Variants in ST7 observed in about 807,000 individuals in gnomAD.
ST7 encodes suppression of tumorigenicity 7.
In ST7, 28 loss-of-function variants were observed where a neutral mutation model predicts 78.7. The observed-to-expected ratio is 0.36, with a 90% CI of 0.26 to 0.49. The LOEUF is 0.49. Among genes scored for constraint, ST7 ranks in the 20% least tolerant of loss-of-function variants. The pLI is 0.99. For synonymous variants in ST7, 247 were observed against 249.6 expected, an observed-to-expected ratio of 0.99 and a Z score of 0.10; for missense variants, 418 against 696.0, an observed-to-expected ratio of 0.60 and a Z score of 4.49.
At chr7:117,033,909 G>A (rs1796746852) in intron 1 of ST7, among the ~76,000 whole-genome samples, 2 of 152,084 alleles carry the variant, frequency 1.3e-5, no homozygotes, top group Admixed American at 6.6e-5. Flanking sequence ...GTGTCATGGA[G>A]CTGCTATGAG....
At chr7:117,071,019 A>T (rs1288761277) in intron 1 of ST7, among the ~76,000 whole-genome samples, 1 of 151,898 alleles carries the variant, frequency 6.6e-6, no homozygotes, top group Non-Finnish European at 1.5e-5. Flanking sequence ...GGAGATCGAG[A>T]CCATCTTGGT....
chr7:116,953,638 T>G lies in ST7; in HGVS notation c.98T>G (p.Phe33Cys). 1 of 1,507,504 alleles carries G rather than the reference T, an allele frequency of 6.6e-7. No homozygotes were observed. The highest frequency in any genetic ancestry group is 9.0e-7 in the Non-Finnish European group (1 of 1,115,676). 93.4% of individuals were successfully genotyped at this position (1,507,504 alleles called of 1,614,324 possible). ...LWTVWFFIVLFLVYILRVPLK... is the reference protein window; with the variant it reads ...LWTVWFFIVLCLVYILRVPLK... Reference sequence around the variant, plus strand: ...ACCGTGTGGTTCTTCATCGTGCTATTCCTGGTCTACATCCTGCGGGTGCCT... The same window carrying G: ...ACCGTGTGGTTCTTCATCGTGCTATGCCTGGTCTACATCCTGCGGGTGCCT... Residue 33 changes from phenylalanine to cysteine, a missense_variant, in exon 1 of 16, where the codon TTC (phenylalanine) becomes TGC (cysteine). Transcript: ENST00000323984.
intron 1 of ST7, among the ~76,000 whole-genome samples, chr7:116,987,602 T>G (rs1282004148): frequency 6.6e-6 from 1 of 152,296 alleles, no homozygotes; most frequent in Non-Finnish European, 1.5e-5. Flanking sequence ...TTCTTCAGAG[T>G]AATTTCTGAC....
Position 116,999,911 on chromosome 7 carries a change from C to T in ST7, c.151+46220C>T, listed in dbSNP as rs892365115. On this transcript the variant is annotated intron_variant, in intron 1 of 15. Coordinates refer to ENST00000323984, the MANE Select transcript of ST7 (RefSeq NM_001369598.1). ...CTGCAAGCTTCATCTCCTGGGTTCA[C>T]GCCATTCTCCTGCCTCAGCCTCCCA... 1.1e-4 allele frequency among the ~76,000 whole-genome samples: 16 copies of T among 148,202 alleles called. No individual in the cohort carries two copies. In the South Asian group the frequency reaches 1.3e-3, roughly 12 times the overall value.
chr7:117,173,449 A>C (rs1808143755), intron 10 of ST7: 1 of 152,154 alleles, frequency 6.6e-6, no homozygotes, highest in African/African-American at 2.4e-5. Context: ...TTGTGGAAAA[A>C]CATGCCTCTT....
chr7:117,127,322 C>A (rs984486693), intron 3 of ST7, among the ~76,000 whole-genome samples: 2 of 151,872 alleles, frequency 1.3e-5, no homozygotes. Context: ...TAAACCATCA[C>A]ATAGCCTGAT....
At chr7:117,069,703 A>G (rs1211887295) in intron 1 of ST7, among the ~76,000 whole-genome samples, 1 of 152,200 alleles carries the variant, frequency 6.6e-6, no homozygotes, top group African/African-American at 2.4e-5. Flanking sequence ...ATATGAACCC[A>G]CCAGGTGCAT....
intron 9 of ST7, among the ~76,000 whole-genome samples, chr7:117,168,876 G>A (rs1340871569): frequency 6.6e-6 from 1 of 152,186 alleles, no homozygotes; most frequent in Non-Finnish European, 1.5e-5. Flanking sequence ...CAGTGAATTA[G>A]CCTGTTTTTG....
chr7:116,970,436 A>C (rs1334860367), intron 1 of ST7, among the ~76,000 whole-genome samples: 1 of 152,202 alleles, frequency 6.6e-6, no homozygotes, highest in Non-Finnish European at 1.5e-5. Flanking sequence ...TGGGAAGTGC[A>C]AGATTAAGGG....
chr7:116,968,545 A>G (rs1044082637), intron 1 of ST7: 1 of 357,014 alleles, frequency 2.8e-6, no homozygotes, highest in South Asian at 2.2e-5. Flanking sequence ...TTCTCTTACA[A>G]TCAAATAATA....
rs1039516653 is a variant in ST7, at chr7:117,224,862, G to A, written c.1638+2800G>A. On this transcript the variant is annotated intron_variant, in intron 15 of 15. Transcript: ENST00000323984. Reference sequence around the variant, plus strand: ...GAGCAGCCACTTGCAGCTGCATGGTGTGCCATCACAGCTGTTCAGGTGGAA... The same window carrying A: ...GAGCAGCCACTTGCAGCTGCATGGTATGCCATCACAGCTGTTCAGGTGGAA... Among the ~76,000 whole-genome samples, 15 of 152,192 alleles carry A rather than the reference G, an allele frequency of 9.9e-5. 1 individual carries two copies. The highest frequency in any genetic ancestry group is 1.9e-4 in the Non-Finnish European group (13 of 68,038).
At chr7:117,116,394 A>C (rs1313812121) in intron 2 of ST7, among the ~76,000 whole-genome samples, 1 of 152,192 alleles carries the variant, frequency 6.6e-6, no homozygotes, top group Non-Finnish European at 1.5e-5. Flanking sequence ...AAGAATTCAA[A>C]GTGACACCAA....
At chr7:117,072,744 T>C (rs915163511) in intron 1 of ST7, 15 of 152,226 alleles carry the variant, frequency 9.9e-5, no homozygotes, top group African/African-American at 3.1e-4. Context: ...GCGAGTTTGA[T>C]TTGTCACTTC....
chr7:117,095,318 C>T (rs2116737273), intron 1 of ST7, among the ~76,000 whole-genome samples: 1 of 152,272 alleles, frequency 6.6e-6, no homozygotes, highest in South Asian at 2.1e-4. Context: ...GGTGTGAATT[C>T]CCTGCTCACT....
chr7:117,134,056 C>T (rs1804583295), intron 6 of ST7, 68 bp from the exon 7 acceptor site: 1 of 1,591,474 alleles, frequency 6.3e-7, no homozygotes, highest in African/African-American at 1.3e-5. Flanking sequence ...TCCGAAATGA[C>T]ATAGTGACTC....
At chr7:116,963,496 A>G (rs552300820) in intron 1 of ST7, among the ~76,000 whole-genome samples, 1 of 152,290 alleles carries the variant, frequency 6.6e-6, no homozygotes, top group Admixed American at 6.5e-5. Context: ...TCACTGTTTA[A>G]TTGCAGTTAC....
chr7:117,028,220 G>T (rs1796304054), intron 1 of ST7, among the ~76,000 whole-genome samples: 1 of 152,088 alleles, frequency 6.6e-6, no homozygotes, highest in African/African-American at 2.4e-5. Context: ...ATTCTTAAAG[G>T]TTAAGTAAAA....
intron 1 of ST7, among the ~76,000 whole-genome samples, chr7:117,023,965 A>G (rs1009846622): frequency 2.6e-5 from 4 of 151,940 alleles, no homozygotes; most frequent in African/African-American, 7.3e-5. Context: ...ATGTGCCATG[A>G]CACCCAGCTA....
chr7:117,031,251 T>C (rs959271364), intron 1 of ST7, among the ~76,000 whole-genome samples: 1 of 151,484 alleles, frequency 6.6e-6, no homozygotes, highest in Non-Finnish European at 1.5e-5. Flanking sequence ...TTTTGGGTAC[T>C]GCGCTTATTA....
Sources: gnomAD v4.1 joint callset for allele counts (sites outside exome capture counted in the v4.1 genomes callset) on GRCh38, gnomAD v4.1.1 for gene constraint, MANE v1.5 for transcripts, NCBI Gene and HGNC (gene_info 2026-07-23, HGNC 2026-07-21) for gene names.